Variants in ATP8A2 observed in about 807,000 individuals in gnomAD.
The protein encoded by ATP8A2 is phospholipid-transporting ATPase IB.
ATP8A2 carries 100 observed loss-of-function variants against 165.6 expected under a neutral mutation model. That is an observed-to-expected ratio of 0.60 (90% CI 0.51 to 0.71). The LOEUF is 0.71. Ranked by LOEUF, ATP8A2 falls within the 30% of genes least tolerant of loss-of-function variation. The probability of loss-of-function intolerance (pLI) is 0.00; values close to 1 mark genes in which losing one functional copy is unlikely to be tolerated. For missense variants in ATP8A2, 1,227 were observed against 1,479.5 expected, an observed-to-expected ratio of 0.83 and a Z score of 2.80; for synonymous variants, 543 against 548.8, an observed-to-expected ratio of 0.99 and a Z score of 0.15.
intron 33 of ATP8A2, among the ~76,000 whole-genome samples, chr13:25,897,454 C>T (rs1953592790): frequency 6.7e-6 from 1 of 149,942 alleles, no homozygotes; most frequent in African/African-American, 2.5e-5. Flanking sequence ...TTCTCTCTGG[C>T]TGCCCTTAAC....
chr13:25,472,258 G>A (rs2035865502), intron 2 of ATP8A2, among the ~76,000 whole-genome samples: 1 of 152,098 alleles, frequency 6.6e-6, no homozygotes, highest in Non-Finnish European at 1.5e-5. Context: ...GCCGGGCGTG[G>A]TGGTGCTTGC....
intron 30 of ATP8A2, among the ~76,000 whole-genome samples, chr13:25,844,538 T>G (rs1237870022): frequency 6.6e-6 from 1 of 152,072 alleles, no homozygotes; most frequent in African/African-American, 2.4e-5. Context: ...CTTATTACAC[T>G]CTTAATTGTC....
chr13:25,667,321 G>T (rs1304495388), intron 24 of ATP8A2, among the ~76,000 whole-genome samples: 3 of 152,112 alleles, frequency 2.0e-5, no homozygotes, highest in Non-Finnish European at 4.4e-5. Context: ...TTGGGAAGTG[G>T]AGCCTACTGG....
chr13:25,731,642 G>A (rs1201064328), intron 25 of ATP8A2, among the ~76,000 whole-genome samples: 3 of 152,186 alleles, frequency 2.0e-5, no homozygotes, highest in Non-Finnish European at 4.4e-5. Flanking sequence ...TTGGTAAGTG[G>A]AATGTGCCTG....
chr13:25,413,613 C>G (rs1172500901), intron 1 of ATP8A2, among the ~76,000 whole-genome samples: 1 of 152,102 alleles, frequency 6.6e-6, no homozygotes, highest in Non-Finnish European at 1.5e-5. Context: ...TCTAAGTGAG[C>G]TTAGTTGCTA....
At chr13:25,668,219 G>A (rs1368033238) in intron 24 of ATP8A2, among the ~76,000 whole-genome samples, 1 of 152,028 alleles carries the variant, frequency 6.6e-6, no homozygotes, top group African/African-American at 2.4e-5. Flanking sequence ...GTCTTATAGG[G>A]CAGGCCTAGC....
At chr13:25,755,907 CA>C (rs111791831) in intron 25 of ATP8A2, among the ~76,000 whole-genome samples, 3 of 150,808 alleles carry the variant, frequency 2.0e-5, no homozygotes, top group Admixed American at 6.6e-5. Flanking sequence ...GACTCCGTCT[CA>C]AAAAAAAACC....
At chr13:25,943,206 G>A (rs1955118698) in intron 33 of ATP8A2, among the ~76,000 whole-genome samples, 1 of 152,132 alleles carries the variant, frequency 6.6e-6, no homozygotes. Context: ...ATACCTCCAG[G>A]ATAGTTCAGC....
chr13:25,448,899 A>AGGTG (rs1197305226), intron 1 of ATP8A2, among the ~76,000 whole-genome samples: 1 of 152,168 alleles, frequency 6.6e-6, no homozygotes. Context: ...TCCTGACCTC[A>AGGTG]GGTGATCCAC....
intron 25 of ATP8A2, among the ~76,000 whole-genome samples, chr13:25,718,463 G>GTTA (rs1217004154): frequency 6.6e-6 from 1 of 152,038 alleles, no homozygotes; most frequent in Non-Finnish European, 1.5e-5. Context: ...TTTGGTTTGG[G>GTTA]TTATGAGTGC....
chr13:25,750,844 TA>T lies in ATP8A2; in HGVS notation c.2385-18199del. Among the ~76,000 whole-genome samples the T allele has an allele frequency of 6.6e-6, 1 of 152,258 alleles. No individual in the cohort carries two copies. The highest frequency in any genetic ancestry group is 1.9e-4 in the East Asian group (1 of 5,182). Reference sequence around the variant, plus strand: ...TTTTGGAATTACACGTGTAGTTCACTAAAGTATTCCTAGTGACAACATAGCC... The same window carrying T: ...TTTTGGAATTACACGTGTAGTTCACTAAGTATTCCTAGTGACAACATAGCC... On this transcript the variant is annotated intron_variant, in intron 25 of 36. Coordinates refer to ENST00000381655, the MANE Select transcript of ATP8A2 (RefSeq NM_016529.6). The surrounding 1 kb of genome is among the most constrained non-coding windows in gnomAD (Gnocchi z 4.3).
In ATP8A2 at chr13:25,665,421, G is replaced by T. The variant is rs532639296; in HGVS notation, c.2212-33752G>T. Among the ~76,000 whole-genome samples, 253 of 152,200 alleles carry T rather than the reference G, an allele frequency of 1.7e-3. 1 individual carries two copies. Among genetic ancestry groups the T allele is most frequent in the African/African-American group, 5.9e-3 (244 of 41,542 alleles). On this transcript the variant is annotated intron_variant, in intron 24 of 36. Coordinates refer to ENST00000381655, the MANE Select transcript of ATP8A2 (RefSeq NM_016529.6). ...AGCCTGGGTAACATAGGGAGATCCTGTCTCTAAAAATAAATATTAAAAAAG... is the reference window on the plus strand; with the variant it reads ...AGCCTGGGTAACATAGGGAGATCCTTTCTCTAAAAATAAATATTAAAAAAG...
chr13:25,484,035 T>G (rs2036282653), intron 2 of ATP8A2, among the ~76,000 whole-genome samples: 1 of 152,198 alleles, frequency 6.6e-6, no homozygotes, highest in Non-Finnish European at 1.5e-5. Flanking sequence ...TAGGGTCTTT[T>G]GTACATATAT....
intron 33 of ATP8A2, among the ~76,000 whole-genome samples, chr13:25,921,625 A>G (rs962900179): frequency 2.4e-3 from 357 of 150,684 alleles, no homozygotes; most frequent in South Asian, 4.0e-3. Context: ...CTGTCTCAAA[A>G]AAAAAAAAAA....
chr13:25,861,002 GATCAGGGTAAATTTGCA>G, intron 32 of ATP8A2, 142 bp downstream of exon 32: 1 of 660,662 alleles, frequency 1.5e-6, no homozygotes, highest in Non-Finnish European at 2.7e-6. Flanking sequence ...GTTTGATCTT[GATCAGGGTAAATTTGCA>G]ATCCAAAGTC....
At chr13:25,641,860 G>A (rs2137570987) in intron 24 of ATP8A2, among the ~76,000 whole-genome samples, 2 of 128,536 alleles carry the variant, frequency 1.6e-5, no homozygotes, top group East Asian at 4.7e-4. Context: ...ACTATACAAG[G>A]CTACAGTAAC....
chr13:25,925,879 C>T (rs1482473662), intron 33 of ATP8A2, among the ~76,000 whole-genome samples: 1 of 151,890 alleles, frequency 6.6e-6, no homozygotes, highest in Non-Finnish European at 1.5e-5. Context: ...AGGCGCGCCA[C>T]CATGCCTGCC....
rs1325638632 is a variant in ATP8A2, at chr13:25,953,167, C to T, written c.3184-8408C>T. Among the ~76,000 whole-genome samples the T allele has an allele frequency of 1.3e-5, 2 of 152,108 alleles. No homozygotes were observed. Among genetic ancestry groups the T allele is most frequent in the Non-Finnish European group, 2.9e-5 (2 of 68,020 alleles). ...AATGGATTGGAAAAATTGTCCCCTC[C>T]TGTGTTTCTTTTCGTCTTTTAACTT... On this transcript the variant is annotated intron_variant, in intron 33 of 36. Transcript: ENST00000381655. The surrounding 1 kb of genome is among the most constrained non-coding windows in gnomAD (Gnocchi z 6.7).
chr13:25,624,148 C>T (rs1368349630), intron 24 of ATP8A2, among the ~76,000 whole-genome samples: 1 of 152,096 alleles, frequency 6.6e-6, no homozygotes, highest in Non-Finnish European at 1.5e-5. Context: ...AGAAAACTGT[C>T]TTGCTTTATT....
Sources: gnomAD v4.1 joint callset for allele counts (sites outside exome capture counted in the v4.1 genomes callset) on GRCh38, gnomAD v4.1.1 for gene constraint, Gnocchi (gnomAD v3.1) non-coding constraint, MANE v1.5 for transcripts, NCBI Gene and HGNC (gene_info 2026-07-23, HGNC 2026-07-21) for gene names.